PRDM15: variants seen among roughly 807,000 people sequenced by gnomAD.
PRDM15 encodes the protein PR/SET domain 15.
Under a neutral mutation model 128.6 loss-of-function variants are expected in PRDM15, and 64 were observed. That is an observed-to-expected ratio of 0.50 (90% CI 0.41 to 0.61). The LOEUF is 0.61. PRDM15 is among the 20% of genes least tolerant of loss of function. The pLI, the probability that PRDM15 is intolerant of heterozygous loss-of-function variation, is 0.00. For synonymous variants in PRDM15, 615 were observed against 621.8 expected, an observed-to-expected ratio of 0.99 and a Z score of 0.16; for missense variants, 1,242 against 1,569.1, an observed-to-expected ratio of 0.79 and a Z score of 3.52.
At chr21:41,829,055 C>A (rs996092701) in intron 11 of PRDM15, among the ~76,000 whole-genome samples, 2 of 149,986 alleles carry the variant, frequency 1.3e-5, no homozygotes, top group East Asian at 4.0e-4. Flanking sequence ...AATGCACAAT[C>A]ACACACACCA....
At chr21:41,836,794 A>T in intron 8 of PRDM15, 145 bp from the exon 9 acceptor site, 1 of 609,368 alleles carries the variant, frequency 1.6e-6, no homozygotes, top group Non-Finnish European at 2.9e-6. Context: ...CCCGGGCGTC[A>T]CTCCCAGCTT....
chr21:41,818,192 G>C (rs2062118025), intron 18 of PRDM15, among the ~76,000 whole-genome samples: 1 of 152,194 alleles, frequency 6.6e-6, no homozygotes, highest in Non-Finnish European at 1.5e-5. Context: ...GTGGTGAAAG[G>C]GGCTGGGAGC....
chr21:41,801,578 G>C lies in PRDM15; in HGVS notation c.3088C>G (p.Pro1030Ala), dbSNP rs556113305. ...TTGTCCAGCTGTAACTGGCGTTCAG[G>C]GGTGGTAAGGTGCCCCACGGCCACC... is the stretch of plus-strand genomic sequence containing the variant. ...QPVAVGHLTT[P>A]ERQLQLDNSI... Residue 1030 changes from proline to alanine, a missense_variant, in exon 24 of 24, where the codon CCT becomes GCT. Pro to Ala is a conservative substitution (Grantham distance 27). Around this residue, in one of 3 missense-constraint regions of PRDM15, gnomAD observed 602 missense variants for 788.3 expected, o/e 0.76. Transcript: ENST00000398548. 4 of 1,614,080 alleles carry C rather than the reference G, an allele frequency of 2.5e-6. No individual in the cohort carries two copies. In the East Asian group the frequency reaches 8.9e-5, roughly 36 times the overall value.
intron 18 of PRDM15, among the ~76,000 whole-genome samples, chr21:41,816,386 C>T (rs968717386): frequency 2.0e-5 from 3 of 152,350 alleles, no homozygotes; most frequent in Middle Eastern, 3.4e-3. Flanking sequence ...CAGCACTGTA[C>T]AAGGCCCTCC....
intron 1 of PRDM15, among the ~76,000 whole-genome samples, chr21:41,866,927 A>G (rs1461947569): frequency 1.3e-5 from 2 of 151,970 alleles, no homozygotes; most frequent in African/African-American, 2.4e-5. Flanking sequence ...CCCTGGGGAG[A>G]CCCTACTCAC....
chr21:41,823,096 G>T, intron 14 of PRDM15: 7 of 561,968 alleles, frequency 1.2e-5, no homozygotes, highest in East Asian at 3.6e-5. Flanking sequence ...CTTCTACCAT[G>T]TGAGGACACA....
At chr21:41,873,999 T>C (rs1358783983) in intron 1 of PRDM15, among the ~76,000 whole-genome samples, 1 of 150,384 alleles carries the variant, frequency 6.6e-6, no homozygotes, top group African/African-American at 2.5e-5. Context: ...TGAGCCGAGG[T>C]TGCAGTGAGA....
At position 41,811,001 on chromosome 21, in the gene PRDM15, C is replaced by T. The variant is rs2061846385; in HGVS notation, c.2393-165G>A. The T allele has an allele frequency of 1.7e-6, 1 of 592,588 alleles. No homozygotes were observed. Among genetic ancestry groups the T allele is most frequent in the Admixed American group, 2.6e-5 (1 of 37,760 alleles). The allele number at this position is 592,588 out of a possible 1,614,324, so 36.7% of individuals were successfully genotyped here. On this transcript the variant is annotated intron_variant, in intron 19 of 23. Coordinates refer to ENST00000398548, the MANE Select transcript of PRDM15 (RefSeq NM_001040424.3). The surrounding 1 kb of genome is among the most constrained non-coding windows in gnomAD (Gnocchi z 4.1). ...AACGCTCATCCCCAGCCTCGGCCAG[C>T]AAAGTGTGGCTTGGAAAGTTTATGC...
chr21:41,857,655 G>A (rs2063678794), intron 3 of PRDM15, among the ~76,000 whole-genome samples: 1 of 152,160 alleles, frequency 6.6e-6, no homozygotes, highest in Non-Finnish European at 1.5e-5. Context: ...CAGCTACTCG[G>A]GAGGCTAAAG....
At chr21:41,863,821 T>C (rs779712527) in intron 1 of PRDM15, among the ~76,000 whole-genome samples, 11 of 151,718 alleles carry the variant, frequency 7.3e-5, no homozygotes, top group Non-Finnish European at 1.6e-4. Context: ...AACCCAGAAA[T>C]AGACCTAAAC....
At chr21:41,869,121 A>G (rs2064122376) in intron 1 of PRDM15, among the ~76,000 whole-genome samples, 1 of 152,008 alleles carries the variant, frequency 6.6e-6, no homozygotes, top group South Asian at 2.1e-4. Context: ...TTGTCTTTCC[A>G]TTCCTCCCAC....
rs993502609 is a variant in PRDM15 at position 41,823,357 on chromosome 21, G to A, written c.1722C>T (p.Arg574=). 7 of 1,602,854 alleles carry A rather than the reference G, an allele frequency of 4.4e-6. No individual in the cohort carries two copies. The highest frequency in any genetic ancestry group is 4.3e-6 in the Non-Finnish European group (5 of 1,174,908). ...TCEICGRKFF[R]VDVLRDHIHV... is the part of the protein sequence containing the mutation. ...GGATGTGGTCCCTGAGCACATCCAC[G>A]CGGAAGAACTTGCGCCCGCAGATCT... Residue 574 remains arginine (R), a synonymous_variant, in exon 14 of 24, where the codon CGC becomes CGT. Transcript: ENST00000398548.
Position 41,810,360 on chromosome 21 carries a change from G to A in PRDM15, c.2477-31C>T, listed in dbSNP as rs950581225. The A allele has an allele frequency of 3.5e-5, 56 of 1,595,462 alleles. No homozygotes were observed. Among genetic ancestry groups the A allele is most frequent in the Middle Eastern group, 3.3e-4 (2 of 6,036 alleles). Reference sequence around the variant, plus strand: ...CACACACACGCAGACACACATGCGCGTGGAAAGGAAGAGACACGCAGGTCA... The same window carrying A: ...CACACACACGCAGACACACATGCGCATGGAAAGGAAGAGACACGCAGGTCA... On this transcript the variant is annotated intron_variant, in intron 20 of 23. Transcript: ENST00000398548. This position sits in a 1 kb window ranked among gnomAD's most constrained non-coding sequence, Gnocchi z 6.4.
At chr21:41,823,670 A>G (rs780894970) in intron 13 of PRDM15, among the ~76,000 whole-genome samples, 16 of 152,250 alleles carry the variant, frequency 1.1e-4, no homozygotes, top group Admixed American at 5.9e-4. Flanking sequence ...CTTACGTTAC[A>G]ATAGAAAATT....
In PRDM15 at chr21:41,828,916, A is replaced by T. The variant is rs898210106; in HGVS notation, c.1367-583T>A. On this transcript the variant is annotated intron_variant, in intron 11 of 23. Coordinates refer to ENST00000398548, the MANE Select transcript of PRDM15 (RefSeq NM_001040424.3). This position sits in a 1 kb window ranked among gnomAD's most constrained non-coding sequence, Gnocchi z 5.7. ...AATCACACACCACACAAATACAAAC[A>T]CACTCAACACACACCCCCCACACAA... Among the ~76,000 whole-genome samples, 3 of 151,018 alleles carry T rather than the reference A, an allele frequency of 2.0e-5. No individual in the cohort carries two copies. Among genetic ancestry groups the T allele is most frequent in the Non-Finnish European group, 4.4e-5 (3 of 67,800 alleles).
chr21:41,820,964 C>T (rs539880483), intron 16 of PRDM15, 103 bp downstream of exon 16: 39 of 1,456,380 alleles, frequency 2.7e-5, no homozygotes, highest in Non-Finnish European at 3.5e-5. Flanking sequence ...GAGGACATCA[C>T]TTGTTGGAAG....
chr21:41,816,772 G>A lies in PRDM15; in HGVS notation c.2261-936C>T, dbSNP rs571030454. Among the ~76,000 whole-genome samples, 60 of 152,288 alleles carry A rather than the reference G, an allele frequency of 3.9e-4. No individual in the cohort carries two copies. In the Middle Eastern group the frequency reaches 0.014, roughly 35 times the overall value. On this transcript the variant is annotated intron_variant, in intron 18 of 23. Coordinates refer to ENST00000398548, the MANE Select transcript of PRDM15 (RefSeq NM_001040424.3). ...GGGGGAGCAAAGGCCCCACGATGAA[G>A]CCCGCTGCCTGCACACACAGCTGCA...
chr21:41,846,644 C>T (rs1229759608), intron 6 of PRDM15, among the ~76,000 whole-genome samples: 2 of 152,370 alleles, frequency 1.3e-5, no homozygotes, highest in East Asian at 3.9e-4. Context: ...CTGCAGTGAG[C>T]CACGATCATG....
chr21:41,826,482 C>G (rs1437699459), intron 12 of PRDM15, among the ~76,000 whole-genome samples: 11 of 152,166 alleles, frequency 7.2e-5, no homozygotes, highest in Admixed American at 7.2e-4. Flanking sequence ...TTAAAAGATA[C>G]TAATATTCAT....
Sources: gnomAD v4.1 joint callset for allele counts (sites outside exome capture counted in the v4.1 genomes callset) on GRCh38, gnomAD v4.1.1 for gene constraint, gnomAD v4.1.1 regional missense constraint, Gnocchi (gnomAD v3.1) non-coding constraint, MANE v1.5 for transcripts, NCBI Gene and HGNC (gene_info 2026-07-23, HGNC 2026-07-21) for gene names.